Variants in EBF4 observed in about 807,000 individuals in gnomAD.
The protein encoded by EBF4 is transcription factor COE4.
A neutral mutation model predicts 67.1 loss-of-function variants in EBF4; 34 were observed. That is an observed-to-expected ratio of 0.51 (90% confidence interval 0.39 to 0.67). The LOEUF (loss-of-function observed/expected upper bound fraction) is 0.67. EBF4 is among the 30% of genes least tolerant of loss of function. The probability of loss-of-function intolerance (pLI) is 0.00; values close to 1 mark genes in which losing one functional copy is unlikely to be tolerated. For synonymous variants in EBF4, 387 were observed against 377.7 expected, an observed-to-expected ratio of 1.02 and a Z score of -0.29; for missense variants, 837 against 873.3, an observed-to-expected ratio of 0.96 and a Z score of 0.52.
Position 2,738,059 on chromosome 20 carries a change from A to T in EBF4, c.558-10490A>T, listed in dbSNP as rs563051222. The stretch of plus-strand genomic sequence containing the variant: ...CAGGGGTAGACATCCCAGGCTGGGG[A>T]TGGGTCTTTCTCTGAATAGGAAGGG... On this transcript the variant is annotated intron_variant, in intron 6 of 16. Coordinates refer to ENST00000609451, the Ensembl canonical transcript of EBF4. Among the ~76,000 whole-genome samples, 226 of 151,620 alleles carry T rather than the reference A, an allele frequency of 1.5e-3. 1 individual carries two copies. The highest frequency in any genetic ancestry group is 5.2e-3 in the African/African-American group (213 of 41,290).
Position 2,693,835 on chromosome 20 carries a change from C to T in EBF4, c.137+53C>T, listed in dbSNP as rs1479316091. ...CTCGGGTTGGACGGCTGCGCGCCGC[C>T]TCAGCTCAGCTTGCTGGAGCTGCTG... On this transcript the variant is annotated intron_variant, in intron 1 of 16. Transcript: ENST00000609451. The surrounding 1 kb of genome is among the most constrained non-coding windows in gnomAD (Gnocchi z 4.6). 3.2e-6 allele frequency: 4 copies of T among 1,257,040 alleles called. 1 individual carries two copies. Among genetic ancestry groups the T allele is most frequent in the Admixed American group, 4.2e-5 (1 of 23,722 alleles). 77.9% of individuals were successfully genotyped at this position (1,257,040 alleles called of 1,614,324 possible).
chr20:2,708,116 T>G (rs974800057), intron 5 of EBF4, 96 bp downstream of exon 5: 22 of 1,245,726 alleles, frequency 1.8e-5, no homozygotes, highest in Admixed American at 9.0e-5. Context: ...TGCCCCTGGC[T>G]GCTCTCTGCT....
upstream of EBF4, chr20:2,693,557 G>A (rs1326049493): frequency 1.6e-6 from 2 of 1,284,252 alleles, no homozygotes; most frequent in African/African-American, 1.6e-5. This position sits in a 1 kb window ranked among gnomAD's most constrained non-coding sequence, Gnocchi z 4.6. Flanking sequence ...GAGGCGCCTG[G>A]TGCCGTCGGG....
At chr20:2,717,936 G>A (rs2068324308) in intron 6 of EBF4, among the ~76,000 whole-genome samples, 1 of 151,766 alleles carries the variant, frequency 6.6e-6, no homozygotes, top group Non-Finnish European at 1.5e-5. Flanking sequence ...TCAGCCTCCT[G>A]AGTAGCTGGG....
chr20:2,754,973 C>CG (rs1020896389), intron 14 of EBF4: 4 of 102,212 alleles, frequency 3.9e-5, no homozygotes, highest in Non-Finnish European at 7.5e-5. Context: ...GGAGACCACC[C>CG]CCCCCCACAG....
rs1330215972 is a variant in EBF4, at chr20:2,751,975, C to A, written c.1161C>A (p.Pro387=). 2 of 1,548,328 alleles carry A rather than the reference C, an allele frequency of 1.3e-6. No individual in the cohort carries two copies. Among genetic ancestry groups the A allele is most frequent in the East Asian group, 2.4e-5 (1 of 40,854 alleles). ...TGGCAGAAGCCCTGTACGGAGTGCC[C>A]GGCAGTAACCAGGTATGGCGCCTCC... Residue 387 remains proline (P), a synonymous_variant, in exon 12 of 17, where the codon CCC becomes CCA. Coordinates refer to ENST00000609451, the Ensembl canonical transcript of EBF4. The surrounding 1 kb of genome is among the most constrained non-coding windows in gnomAD (Gnocchi z 5.2).
At chr20:2,729,804 T>C (rs531451633) in intron 6 of EBF4, among the ~76,000 whole-genome samples, 25 of 152,218 alleles carry the variant, frequency 1.6e-4, no homozygotes, top group Non-Finnish European at 2.9e-4. Flanking sequence ...ATAGAGATTG[T>C]TACCCTCTAG....
chr20:2,693,516 T>C (rs1404854802), upstream of EBF4: 8 of 1,164,790 alleles, frequency 6.9e-6, no homozygotes, highest in Middle Eastern at 3.2e-4. The surrounding 1 kb of genome is among the most constrained non-coding windows in gnomAD (Gnocchi z 4.6). Flanking sequence ...GAGCGCGCAC[T>C]GAGCCACCCG....
intron 1 of EBF4, among the ~76,000 whole-genome samples, chr20:2,701,384 T>C (rs1434992309): frequency 1.3e-5 from 2 of 152,200 alleles, no homozygotes; most frequent in Admixed American, 6.5e-5. Context: ...CCCAGGTCCC[T>C]GTGCCCTTGC....
At position 2,707,415 on chromosome 20, in the gene EBF4, C is replaced by T. The variant is rs1399650784; in HGVS notation, c.415-532C>T. On this transcript the variant is annotated intron_variant, in intron 4 of 16. Transcript: ENST00000609451. The surrounding 1 kb of genome is among the most constrained non-coding windows in gnomAD (Gnocchi z 4.6). ...GCAGCAGTCCCAGGGGAAGACCGAG[C>T]CTGGGCTAGGGATGGTATGGGGGAA... Among the ~76,000 whole-genome samples, 1 of 152,018 alleles carries T rather than the reference C, an allele frequency of 6.6e-6. No homozygotes were observed. The highest frequency in any genetic ancestry group is 2.4e-5 in the African/African-American group (1 of 41,372).
intron 6 of EBF4, among the ~76,000 whole-genome samples, chr20:2,733,815 GAAAA>G (rs202216825): frequency 9.4e-6 from 1 of 106,742 alleles, no homozygotes; most frequent in African/African-American, 3.4e-5. Flanking sequence ...TAGCTGATGA[GAAAA>G]AAAAAAAAAA....
chr20:2,744,487 CTTTTCTTTTT>C (rs1331973855), intron 6 of EBF4, among the ~76,000 whole-genome samples: 9 of 111,494 alleles, frequency 8.1e-5, no homozygotes, highest in African/African-American at 1.2e-4. Context: ...TTCTTTTTTT[CTTTTCTTTTT>C]TTTTTTTTTT....
chr20:2,736,397 C>T (rs2087877533), intron 6 of EBF4, among the ~76,000 whole-genome samples: 1 of 152,148 alleles, frequency 6.6e-6, no homozygotes, highest in Admixed American at 6.5e-5. Flanking sequence ...AGATCAGGCA[C>T]ATTATAAGTG....
chr20:2,701,040 ACT>A (rs2087367617), intron 1 of EBF4, among the ~76,000 whole-genome samples: 1 of 151,984 alleles, frequency 6.6e-6, no homozygotes, highest in Non-Finnish European at 1.5e-5. Context: ...GCTCTTGCCC[ACT>A]CTGCAGTCCT....
chr20:2,738,638 A>G (rs1358856710), intron 6 of EBF4, among the ~76,000 whole-genome samples: 2 of 150,918 alleles, frequency 1.3e-5, no homozygotes, highest in African/African-American at 2.4e-5. Flanking sequence ...AAGTGGAGCC[A>G]CTGCCACTCT....
chr20:2,731,772 C>G (rs1288564537), intron 6 of EBF4, among the ~76,000 whole-genome samples: 1 of 152,208 alleles, frequency 6.6e-6, no homozygotes, highest in African/African-American at 2.4e-5. Flanking sequence ...CCTTTTAGAA[C>G]AGGGAACTGG....
rs1056600249 is a variant in EBF4, at chr20:2,756,860, C to A, written c.1738+1036C>A. On this transcript the variant is annotated intron_variant, in intron 15 of 16. Coordinates refer to ENST00000609451, the Ensembl canonical transcript of EBF4. The surrounding 1 kb of genome is among the most constrained non-coding windows in gnomAD (Gnocchi z 4.5). ...GTGGCTACTGAAGAATTTGTCAGAG[C>A]CTTTCATGTGCCAGGGTACGTTGTG... Among the ~76,000 whole-genome samples, 2 of 152,164 alleles carry A rather than the reference C, an allele frequency of 1.3e-5. No individual in the cohort carries two copies. Among genetic ancestry groups the A allele is most frequent in the South Asian group, 2.1e-4 (1 of 4,824 alleles).
intron 6 of EBF4, among the ~76,000 whole-genome samples, chr20:2,724,691 G>A (rs184161389): frequency 3.9e-5 from 6 of 152,136 alleles, no homozygotes; most frequent in African/African-American, 1.4e-4. Context: ...AATCACCTGA[G>A]CCCAGGAGTT....
chr20:2,705,465 T>C (rs2087438681), intron 1 of EBF4, 112 bp from the exon 2 acceptor site: 1 of 1,469,398 alleles, frequency 6.8e-7, no homozygotes, highest in Non-Finnish European at 9.3e-7. Flanking sequence ...TTGCCCAAAC[T>C]CTTGGCATCT....
Sources: gnomAD v4.1 joint callset for allele counts (sites outside exome capture counted in the v4.1 genomes callset) on GRCh38, gnomAD v4.1.1 for gene constraint, Gnocchi (gnomAD v3.1) non-coding constraint, MANE v1.5 for transcripts, NCBI Gene and HGNC (gene_info 2026-07-23, HGNC 2026-07-21) for gene names.